Variants in EIF4G3 observed in about 807,000 individuals in gnomAD.
EIF4G3 encodes the protein eIF-4-gamma 3.
Under a neutral mutation model 186.4 loss-of-function variants are expected in EIF4G3, and 34 were observed. The ratio of observed to expected loss-of-function variants is 0.18; its 90% CI spans 0.14 to 0.24. The LOEUF (loss-of-function observed/expected upper bound fraction) is 0.24, where lower values mean the gene tolerates loss of function less well. EIF4G3 is among the 10% of genes least tolerant of loss of function. The probability of loss-of-function intolerance (pLI) is 1.00; values close to 1 mark genes in which losing one functional copy is unlikely to be tolerated. For missense variants in EIF4G3, 1,536 were observed against 1,948.5 expected (o/e 0.79, Z 3.99); for synonymous variants, 673 against 679.5 (o/e 0.99, Z 0.15).
intron 25 of EIF4G3, among the ~76,000 whole-genome samples, chr1:20,856,626 T>C (rs938460845): frequency 2.6e-5 from 4 of 152,182 alleles, no homozygotes; most frequent in Non-Finnish European, 5.9e-5. Flanking sequence ...GTCTCTTAAA[T>C]CCTTATTACA....
In EIF4G3 at chr1:21,104,122, A is replaced by G. The variant is rs552611001; in HGVS notation, c.-271-14909T>C. 8.5e-5 allele frequency among the ~76,000 whole-genome samples: 13 copies of G among 152,346 alleles called. No individual in the cohort carries two copies. The South Asian group carries it at 2.1e-3, about 24-fold the overall frequency. ...TGAAATACTCTGAACAATGCCGGCTACATGACATTCAATCTGTTAATTCCC... is the reference window on the plus strand; with the variant it reads ...TGAAATACTCTGAACAATGCCGGCTGCATGACATTCAATCTGTTAATTCCC... On this transcript the variant is annotated intron_variant, in intron 2 of 36. Coordinates refer to ENST00000602326, the MANE Select transcript of EIF4G3 (RefSeq NM_001391906.1).
chr1:20,861,795 GA>G (rs2076407031), intron 23 of EIF4G3, among the ~76,000 whole-genome samples: 1 of 152,114 alleles, frequency 6.6e-6, no homozygotes, highest in Non-Finnish European at 1.5e-5. Flanking sequence ...CCAACAGCGT[GA>G]AATCCTGTCT....
chr1:20,984,219 T>G (rs2078920252), intron 7 of EIF4G3, among the ~76,000 whole-genome samples: 1 of 151,782 alleles, frequency 6.6e-6, no homozygotes, highest in African/African-American at 2.4e-5. Context: ...CAGGCTGGAG[T>G]GCAGTGGCTG....
intron 7 of EIF4G3, among the ~76,000 whole-genome samples, 147 bp downstream of exon 7, chr1:20,997,444 TGAAGGACAAA>T (rs2082534143): frequency 6.6e-6 from 1 of 152,064 alleles, no homozygotes. Flanking sequence ...GTGAGATTAA[TGAAGGACAAA>T]GAAAGCTGAA....
intron 15 of EIF4G3, 43 bp downstream of exon 15, chr1:20,904,840 A>G: frequency 6.7e-7 from 1 of 1,483,794 alleles, no homozygotes; most frequent in Non-Finnish European, 9.4e-7. Context: ...TGTCTATGAA[A>G]TGGCACCACT....
At chr1:21,145,102 GA>G (rs200167764) in intron 2 of EIF4G3, among the ~76,000 whole-genome samples, 4 of 150,620 alleles carry the variant, frequency 2.7e-5, no homozygotes, top group African/African-American at 7.3e-5. Context: ...AACATAGCAA[GA>G]AAAAAAAAAT....
intron 2 of EIF4G3, among the ~76,000 whole-genome samples, chr1:21,170,202 C>T (rs144892176): frequency 4.4e-4 from 45 of 102,090 alleles, no homozygotes; most frequent in Middle Eastern, 4.9e-3. Flanking sequence ...AACAAACAAA[C>T]AAACAAACAA....
At chr1:20,895,566 C>T (rs1303996787) in intron 16 of EIF4G3, 65 bp from the exon 17 acceptor site, 39 of 1,519,404 alleles carry the variant, frequency 2.6e-5, no homozygotes, top group Admixed American at 1.3e-4. Flanking sequence ...CATTGCATAA[C>T]GATGTTTCGA....
intron 2 of EIF4G3, among the ~76,000 whole-genome samples, chr1:21,174,074 A>G (rs143093582): frequency 2.6e-5 from 4 of 152,354 alleles, no homozygotes; most frequent in East Asian, 1.9e-4. Context: ...AGAGAAAACA[A>G]TAAGAGCTGT....
chr1:21,048,954 AG>A, intron 4 of EIF4G3, among the ~76,000 whole-genome samples: 1 of 152,328 alleles, frequency 6.6e-6, no homozygotes, highest in South Asian at 2.1e-4. Flanking sequence ...AGAGTCACCT[AG>A]GAAGTTTCCA....
intron 6 of EIF4G3, chr1:20,999,607 A>T (rs2083055309): frequency 2.8e-6 from 1 of 360,700 alleles, no homozygotes. Flanking sequence ...GAACAAGAAG[A>T]GTATCTTATA....
intron 2 of EIF4G3, among the ~76,000 whole-genome samples, chr1:21,139,234 A>T (rs2097298444): frequency 6.6e-6 from 1 of 152,212 alleles, no homozygotes; most frequent in Non-Finnish European, 1.5e-5. Context: ...TAGAAAAGAA[A>T]CTAAAAGAAT....
At chr1:21,142,831 G>T (rs1410827880) in intron 2 of EIF4G3, among the ~76,000 whole-genome samples, 1 of 152,074 alleles carries the variant, frequency 6.6e-6, no homozygotes, top group Non-Finnish European at 1.5e-5. Flanking sequence ...AACTCAAGTA[G>T]ATTAGAAAGA....
intron 7 of EIF4G3, among the ~76,000 whole-genome samples, chr1:20,987,626 C>A (rs2079882267): frequency 6.6e-6 from 1 of 152,146 alleles, no homozygotes; most frequent in Admixed American, 6.5e-5. Context: ...GAACTGCACC[C>A]ATAGAAGACA....
chr1:21,107,118 G>A (rs1174172099), intron 2 of EIF4G3, among the ~76,000 whole-genome samples: 4 of 152,154 alleles, frequency 2.6e-5, no homozygotes, highest in African/African-American at 9.7e-5. Flanking sequence ...CTGGCAGATA[G>A]GAAAGCTCAA....
intron 17 of EIF4G3, 60 bp downstream of exon 17, chr1:20,895,308 C>A: frequency 1.3e-6 from 2 of 1,556,100 alleles, no homozygotes; most frequent in South Asian, 2.4e-5. Flanking sequence ...CATATTTGCT[C>A]TTATAGTTAA....
chr1:20,994,497 G>A (rs2081852968), intron 7 of EIF4G3, among the ~76,000 whole-genome samples: 1 of 152,006 alleles, frequency 6.6e-6, no homozygotes, highest in Non-Finnish European at 1.5e-5. Flanking sequence ...CCAGCTACCT[G>A]AATTTTCTGA....
chr1:20,873,636 G>T (rs1194794656), intron 20 of EIF4G3, among the ~76,000 whole-genome samples: 1 of 150,244 alleles, frequency 6.7e-6, no homozygotes, highest in Non-Finnish European at 1.5e-5. Context: ...TCTAGTGGGG[G>T]TGAATTTTAC....
At position 20,899,720 on chromosome 1, in the gene EIF4G3, C is replaced by A; in HGVS notation, c.1976G>T (p.Gly659Val). Residue 659 changes from glycine to valine, a missense_variant, in exon 16 of 37, where the codon GGG becomes GTG. This residue lies in a region of EIF4G3 where 560 missense variants were observed against 547.8 expected (regional missense o/e 1.02). Coordinates refer to ENST00000602326, the MANE Select transcript of EIF4G3 (RefSeq NM_001391906.1). ...NSGSTDSSGDGVTFPFKPESW... is the reference protein window; with the variant it reads ...NSGSTDSSGDVVTFPFKPESW... The stretch of plus-strand genomic sequence containing the variant: ...ACCTGGTTTAAATGGAAATGTAACC[C>A]CATCACCAGAACTATCTGTGGAGCC... 6.2e-7 allele frequency: 1 copy of A among 1,614,118 alleles called. No homozygotes were observed. Among genetic ancestry groups the A allele is most frequent in the Non-Finnish European group, 8.5e-7 (1 of 1,180,010 alleles).
Sources: allele counts gnomAD v4.1 joint callset (sites outside exome capture counted in the v4.1 genomes callset), GRCh38; gene constraint gnomAD v4.1.1; regional missense constraint gnomAD v4.1.1; transcripts MANE v1.5; gene names NCBI Gene and HGNC (gene_info 2026-07-23, HGNC 2026-07-21).